JARID2: variants seen among roughly 807,000 people sequenced by gnomAD.
The protein encoded by JARID2 is jumonji and AT-rich interaction domain containing 2.
In JARID2, 21 loss-of-function variants were observed where a neutral mutation model predicts 125.6. That is an observed-to-expected ratio of 0.17 (90% CI 0.12 to 0.24). The LOEUF is 0.24. JARID2 is among the 10% of genes least tolerant of loss of function. JARID2 has a pLI of 1.00. For synonymous variants in JARID2, 736 were observed against 661.6 expected (o/e 1.11, Z -1.73); for missense variants, 1,303 against 1,639.6 (o/e 0.79, Z 3.55).
chr6:15,270,110 TTCCTTCAG>T (rs1409348862), intron 1 of JARID2, among the ~76,000 whole-genome samples: 1 of 152,186 alleles, frequency 6.6e-6, no homozygotes, highest in Non-Finnish European at 1.5e-5. Context: ...CCTTCCTTCC[TTCCTTCAG>T]TCCGTCCATC....
intron 1 of JARID2, among the ~76,000 whole-genome samples, chr6:15,308,993 T>G (rs1304704728): frequency 6.6e-6 from 1 of 152,216 alleles, no homozygotes; most frequent in Admixed American, 6.5e-5. Context: ...CTGACTGCCC[T>G]TCCTGTGAAG....
At chr6:15,504,623 C>T in intron 9 of JARID2, 31 bp downstream of exon 9, 2 of 1,455,798 alleles carry the variant, frequency 1.4e-6, no homozygotes, top group Non-Finnish European at 1.9e-6. Flanking sequence ...CGCTGCCTCT[C>T]ATGGTGTGGG....
chr6:15,461,014 A>C (rs1768420858), intron 4 of JARID2, among the ~76,000 whole-genome samples: 1 of 152,092 alleles, frequency 6.6e-6, no homozygotes, highest in African/African-American at 2.4e-5. Context: ...CAGAATGTTC[A>C]CTTTCTTACT....
intron 2 of JARID2, among the ~76,000 whole-genome samples, chr6:15,385,088 G>A (rs1372853381): frequency 6.6e-6 from 1 of 152,172 alleles, no homozygotes; most frequent in South Asian, 2.1e-4. Flanking sequence ...TGGCATATCT[G>A]CCTATGCTCT....
rs139446127 is a variant in JARID2 at position 15,345,693 on chromosome 6, C to T, written c.46-28424C>T. Among the ~76,000 whole-genome samples the T allele has an allele frequency of 4.4e-3, 663 of 152,108 alleles. 3 individuals carry two copies. The highest frequency in any genetic ancestry group is 5.1e-3 in the Non-Finnish European group (344 of 67,994). On this transcript the variant is annotated intron_variant, in intron 1 of 17. Transcript: ENST00000341776. ...TATAAGTTTGCTTCCTTTAAAATAC[C>T]GATTTTGACTTTATTCCTCTTAGAT...
intron 1 of JARID2, among the ~76,000 whole-genome samples, chr6:15,284,784 G>T (rs1269144167): frequency 6.6e-6 from 1 of 152,122 alleles, no homozygotes; most frequent in Non-Finnish European, 1.5e-5. Context: ...ACTGTGCCTG[G>T]CTGTTTTATA....
At chr6:15,439,336 T>C (rs768140540) in intron 3 of JARID2, among the ~76,000 whole-genome samples, 1 of 152,220 alleles carries the variant, frequency 6.6e-6, no homozygotes, top group African/African-American at 2.4e-5. Flanking sequence ...CCTGCTGTTA[T>C]GTTTTATTAG....
chr6:15,504,407 C>G (rs1770895191), intron 8 of JARID2, 93 bp from the exon 9 acceptor site: 7 of 895,652 alleles, frequency 7.8e-6, no homozygotes, highest in Non-Finnish European at 1.3e-5. Flanking sequence ...GCAGGGACGC[C>G]AAGGGGCAGC....
intron 2 of JARID2, among the ~76,000 whole-genome samples, chr6:15,408,623 A>G (rs1765747324): frequency 6.6e-6 from 1 of 152,254 alleles, no homozygotes; most frequent in African/African-American, 2.4e-5. Flanking sequence ...AATATATTTG[A>G]TTTAATCTAC....
chr6:15,422,301 G>A (rs1179142768), intron 3 of JARID2, among the ~76,000 whole-genome samples: 2 of 152,126 alleles, frequency 1.3e-5, no homozygotes, highest in Non-Finnish European at 2.9e-5. Context: ...GTAGGTTTGG[G>A]GTGGCTCACA....
At chr6:15,431,669 A>G (rs1581555243) in intron 3 of JARID2, among the ~76,000 whole-genome samples, 1 of 152,122 alleles carries the variant, frequency 6.6e-6, no homozygotes, top group African/African-American at 2.4e-5. Flanking sequence ...AGTGTTGAAG[A>G]CTCTTATCTT....
chr6:15,472,981 A>G (rs2127687378), intron 5 of JARID2, among the ~76,000 whole-genome samples: 1 of 152,376 alleles, frequency 6.6e-6, no homozygotes, highest in Middle Eastern at 3.4e-3. Flanking sequence ...TCAAAGAGAC[A>G]AGCACGAAAC....
At chr6:15,446,010 G>C (rs1334692218) in intron 3 of JARID2, among the ~76,000 whole-genome samples, 3 of 152,116 alleles carry the variant, frequency 2.0e-5, no homozygotes, top group African/African-American at 7.2e-5. Flanking sequence ...CAATACCAAG[G>C]CTCCTCCTCT....
At chr6:15,401,028 A>G (rs1765411486) in intron 2 of JARID2, 10 of 1,289,356 alleles carry the variant, frequency 7.8e-6, no homozygotes, top group Non-Finnish European at 1.0e-5. Flanking sequence ...GTCTGTTCCT[A>G]TAAATAAAAG....
At chr6:15,444,523 T>G (rs948124863) in intron 3 of JARID2, among the ~76,000 whole-genome samples, 3 of 152,134 alleles carry the variant, frequency 2.0e-5, no homozygotes, top group African/African-American at 4.8e-5. Context: ...GGGCACACTC[T>G]TGTTTCTTTG....
chr6:15,454,211 C>G (rs1768048914), intron 4 of JARID2, among the ~76,000 whole-genome samples: 1 of 152,166 alleles, frequency 6.6e-6, no homozygotes, highest in South Asian at 2.1e-4. Flanking sequence ...AAACTCAGCC[C>G]TGACACCCCA....
At chr6:15,378,031 C>T (rs768916334) in intron 2 of JARID2, among the ~76,000 whole-genome samples, 32 of 151,102 alleles carry the variant, frequency 2.1e-4, no homozygotes, top group Admixed American at 9.2e-4. Flanking sequence ...ATTACAGACA[C>T]GCGCCACCAC....
chr6:15,486,858 ATTCT>A (rs1160807141), intron 5 of JARID2, among the ~76,000 whole-genome samples: 6 of 116,488 alleles, frequency 5.2e-5, no homozygotes, highest in South Asian at 2.8e-4. Flanking sequence ...TTGATGGTTG[ATTCT>A]TTCTGACTTC....
chr6:15,404,129 C>G (rs1403347130), intron 2 of JARID2, among the ~76,000 whole-genome samples: 1 of 152,208 alleles, frequency 6.6e-6, no homozygotes, highest in African/African-American at 2.4e-5. Context: ...GGCATTTGTT[C>G]TCAGTCACAC....
Sources: gnomAD v4.1 joint callset for allele counts (sites outside exome capture counted in the v4.1 genomes callset) on GRCh38, gnomAD v4.1.1 for gene constraint, MANE v1.5 for transcripts, NCBI Gene and HGNC (gene_info 2026-07-23, HGNC 2026-07-21) for gene names.